Variants in GFRA2 observed in about 807,000 individuals in gnomAD.
GFRA2 encodes GDNF family receptor alpha 2, also known as GDNF family receptor alpha-2.
Under a neutral mutation model 48.3 loss-of-function variants are expected in GFRA2, and 17 were observed. That is an observed-to-expected ratio of 0.35 (90% confidence interval 0.24 to 0.53). GFRA2 has a LOEUF of 0.53. GFRA2 is among the 20% of genes least tolerant of loss of function. GFRA2 has a pLI of 0.93. For synonymous variants in GFRA2, 305 were observed against 257.2 expected, an observed-to-expected ratio of 1.19 and a Z score of -1.78; for missense variants, 660 against 637.3, an observed-to-expected ratio of 1.04 and a Z score of -0.38.
chr8:21,714,246 C>CTTTT lies in GFRA2; in HGVS notation c.795-8209_795-8206dup, dbSNP rs10674628. Among the ~76,000 whole-genome samples the CTTTT allele has an allele frequency of 8.3e-4, 65 of 78,394 alleles. 10 individuals are homozygous for CTTTT. Among genetic ancestry groups the CTTTT allele is most frequent in the East Asian group, 1.9e-3 (4 of 2,122 alleles). The allele number at this position is 78,394 out of a possible 152,430, so 51.4% of individuals were successfully genotyped here. A position where few individuals can be genotyped will look rare whatever the true frequency, so the allele number is the denominator to read the frequency against. On this transcript the variant is annotated intron_variant, in intron 4 of 8. Transcript: ENST00000524240. ...GATCAATACATACTGGTCTGAAGTTCTTTTTTTTTTTTTTTTTTTTTTTGA... is the reference window on the plus strand; with the variant it reads ...GATCAATACATACTGGTCTGAAGTTCTTTTTTTTTTTTTTTTTTTTTTTTTTTGA...
At chr8:21,705,792 G>T in intron 5 of GFRA2, 140 bp downstream of exon 5, 1 of 608,958 alleles carries the variant, frequency 1.6e-6, no homozygotes, top group Non-Finnish European at 2.9e-6. Context: ...GTTTCCCCTC[G>T]CAGCTCTCTG....
At position 21,721,499 on chromosome 8, in the gene GFRA2, GA is replaced by G. The variant is rs550358520; in HGVS notation, c.795-15459del. Among the ~76,000 whole-genome samples, 8 of 152,302 alleles carry G rather than the reference GA, an allele frequency of 5.3e-5. No homozygotes were observed. The East Asian group carries it at 1.5e-3, about 29-fold the overall frequency. ...TTCTCAAACACGCAGAAGGGCAAAGGAAGTCAGAGACGAGGAGGAGGATTTG... is the reference window on the plus strand; with the variant it reads ...TTCTCAAACACGCAGAAGGGCAAAGGAGTCAGAGACGAGGAGGAGGATTTG... On this transcript the variant is annotated intron_variant, in intron 4 of 8. Coordinates refer to ENST00000524240, the MANE Select transcript of GFRA2 (RefSeq NM_001495.5).
chr8:21,791,054 C>T (rs1807564896), upstream of GFRA2, among the ~76,000 whole-genome samples: 2 of 152,282 alleles, frequency 1.3e-5, no homozygotes, highest in South Asian at 2.1e-4. Flanking sequence ...CTTCCCCCTT[C>T]CAAGGACCCT....
chr8:21,717,550 A>C (rs1489368738), intron 4 of GFRA2, among the ~76,000 whole-genome samples: 1 of 152,218 alleles, frequency 6.6e-6, no homozygotes, highest in Non-Finnish European at 1.5e-5. Flanking sequence ...TTATTTCTTT[A>C]ACTTTAATTG....
intron 7 of GFRA2, 143 bp downstream of exon 7, chr8:21,702,662 G>A (rs1802538062): frequency 1.3e-5 from 9 of 709,894 alleles, no homozygotes; most frequent in Non-Finnish European, 2.0e-5. Context: ...AACTGGTGAA[G>A]AATGACCCCC....
intron 4 of GFRA2, among the ~76,000 whole-genome samples, chr8:21,736,476 T>C (rs1297655629): frequency 6.6e-6 from 1 of 152,180 alleles, no homozygotes; most frequent in African/African-American, 2.4e-5. Flanking sequence ...TCTTTAGGTA[T>C]ACCTTTCTGT....
chr8:21,775,111 C>T, intron 2 of GFRA2, 56 bp from the exon 3 acceptor site: 1 of 871,488 alleles, frequency 1.1e-6, no homozygotes, highest in Non-Finnish European at 1.9e-6. Flanking sequence ...GCGCTGCCGG[C>T]ACTTAGCAAA....
rs764654147 is a variant in GFRA2, at chr8:21,750,788, G to A, written c.594C>T (p.Arg198=). Residue 198 remains arginine (R), a synonymous_variant, in exon 4 of 9, where the codon CGC becomes CGT. Transcript: ENST00000524240. This position sits in a 1 kb window ranked among gnomAD's most constrained non-coding sequence, Gnocchi z 5.7. ...EISPTERCNR[R]KCHKALRQFF... ...ACTGGCGCAGGGCCTTGTGGCACTTGCGGCGGTTGCAGCGCTCGGTGGGCG... is the reference window on the plus strand; with the variant it reads ...ACTGGCGCAGGGCCTTGTGGCACTTACGGCGGTTGCAGCGCTCGGTGGGCG... 6.2e-7 allele frequency: 1 copy of A among 1,614,060 alleles called. No individual in the cohort carries two copies. Among genetic ancestry groups the A allele is most frequent in the Non-Finnish European group, 8.5e-7 (1 of 1,179,906 alleles).
intron 4 of GFRA2, among the ~76,000 whole-genome samples, chr8:21,718,103 G>A (rs1276021108): frequency 6.6e-6 from 1 of 152,194 alleles, no homozygotes; most frequent in African/African-American, 2.4e-5. Context: ...GTTTGGCTGT[G>A]TCCCCACCCA....
intron 4 of GFRA2, among the ~76,000 whole-genome samples, chr8:21,721,391 C>T (rs1195223800): frequency 1.3e-5 from 2 of 152,202 alleles, no homozygotes; most frequent in African/African-American, 4.8e-5. Flanking sequence ...TTAAGCACCA[C>T]TCTTAACATG....
intron 2 of GFRA2, among the ~76,000 whole-genome samples, chr8:21,795,264 C>T (rs1807646930): frequency 6.6e-6 from 1 of 152,196 alleles, no homozygotes; most frequent in Non-Finnish European, 1.5e-5. Context: ...TCTTCCACAT[C>T]CATGATCTTG....
chr8:21,781,320 C>T (rs1321572799), intron 2 of GFRA2, among the ~76,000 whole-genome samples: 1 of 152,078 alleles, frequency 6.6e-6, no homozygotes, highest in Non-Finnish European at 1.5e-5. Flanking sequence ...TAATTCTCCT[C>T]CCCACTTCCA....
intron 2 of GFRA2, among the ~76,000 whole-genome samples, chr8:21,775,989 CTGTGTGTGTGTGTGTGTGTGTGTG>C (rs200687629): frequency 1.9e-4 from 24 of 126,474 alleles, no homozygotes; most frequent in African/African-American, 6.9e-4. Context: ...CACTCATCCT[CTGTGTGTGTGTGTGTGTGTGTGTG>C]TGTGTGTGTG....
chr8:21,788,236 A>T lies in GFRA2; in HGVS notation c.-77T>A, dbSNP rs1229341437. 1 of 1,570,382 alleles carries T rather than the reference A, an allele frequency of 6.4e-7. No homozygotes were observed. Among genetic ancestry groups the T allele is most frequent in the Non-Finnish European group, 8.6e-7 (1 of 1,159,250 alleles). On this transcript the variant is annotated 5_prime_UTR_variant, in exon 1 of 9. Transcript: ENST00000524240. ...TAATAGTAGTAACAACAACAATAAT[A>T]ATAGGCAAGCAGTGGTAATCAGCCC...
intron 4 of GFRA2, among the ~76,000 whole-genome samples, chr8:21,741,928 AAAAAAAAG>A (rs1305359713): frequency 2.4e-5 from 3 of 127,138 alleles, no homozygotes; most frequent in African/African-American, 1.0e-4. Context: ...CTCAAAAAAA[AAAAAAAAG>A]AAAGAAAGAA....
At chr8:21,726,348 CCTT>C (rs1270428324) in intron 4 of GFRA2, among the ~76,000 whole-genome samples, 1 of 152,242 alleles carries the variant, frequency 6.6e-6, no homozygotes, top group Non-Finnish European at 1.5e-5. Context: ...ACAAGACAGT[CCTT>C]CTCTGGCTGG....
chr8:21,767,906 T>G (rs1806256070), intron 3 of GFRA2, among the ~76,000 whole-genome samples: 1 of 152,188 alleles, frequency 6.6e-6, no homozygotes. Flanking sequence ...CACACCTTAG[T>G]GCCAGCAAAT....
chr8:21,755,700 G>C (rs996296761), intron 3 of GFRA2, among the ~76,000 whole-genome samples: 1 of 152,222 alleles, frequency 6.6e-6, no homozygotes, highest in Non-Finnish European at 1.5e-5. Context: ...GGAGGACTCA[G>C]AGGAAGTAAA....
intron 3 of GFRA2, among the ~76,000 whole-genome samples, chr8:21,769,509 G>T (rs1806344942): frequency 6.6e-6 from 1 of 152,214 alleles, no homozygotes; most frequent in African/African-American, 2.4e-5. Context: ...CCACCTTACA[G>T]ATAAGAAACA....
Sources: allele counts gnomAD v4.1 joint callset (sites outside exome capture counted in the v4.1 genomes callset), GRCh38; gene constraint gnomAD v4.1.1; non-coding constraint Gnocchi (gnomAD v3.1); transcripts MANE v1.5; gene names NCBI Gene and HGNC (gene_info 2026-07-23, HGNC 2026-07-21).